Variants in SLC6A3 observed in about 807,000 individuals in gnomAD.
The protein encoded by SLC6A3 is sodium-dependent dopamine transporter.
In SLC6A3, 19 loss-of-function variants were observed where a neutral mutation model predicts 70.4. The observed-to-expected ratio is 0.27, with a 90% CI of 0.19 to 0.40. The LOEUF (loss-of-function observed/expected upper bound fraction) is 0.40. Among genes scored for constraint, SLC6A3 ranks in the 10% least tolerant of loss-of-function variants. The pLI is 1.00. For missense variants in SLC6A3, 613 were observed against 838.5 expected (o/e 0.73, Z 3.32); for synonymous variants, 368 against 356.6 (o/e 1.03, Z -0.36).
chr5:1,408,999 G>T lies in SLC6A3; in HGVS notation c.1498+27C>A. On this transcript the variant is annotated intron_variant, in intron 11 of 14. Coordinates refer to ENST00000270349, the MANE Select transcript of SLC6A3 (RefSeq NM_001044.5). This position sits in a 1 kb window ranked among gnomAD's most constrained non-coding sequence, Gnocchi z 6.4. ...CACAGCCACCAAACAAGAGGGTGCC[G>T]GCTTGGCTGCCTTCCCCCGGACTCA... The T allele has an allele frequency of 6.5e-7, 1 of 1,527,684 alleles. No homozygotes were observed. Among genetic ancestry groups the T allele is most frequent in the Non-Finnish European group, 9.1e-7 (1 of 1,103,158 alleles). The allele number at this position is 1,527,684 out of a possible 1,614,324, so 94.6% of individuals were successfully genotyped here.
At position 1,438,493 on chromosome 5, in the gene SLC6A3, T is replaced by C. The variant is rs982298453; in HGVS notation, c.418+2866A>G. On this transcript the variant is annotated intron_variant, in intron 3 of 14. Transcript: ENST00000270349. The surrounding 1 kb of genome is among the most constrained non-coding windows in gnomAD (Gnocchi z 6.5). ...GCTCACGCTGATGGAAGTCAGAGGTTCTCTACTAGCCCAAGTTGAGTTGGT... is the reference window on the plus strand; with the variant it reads ...GCTCACGCTGATGGAAGTCAGAGGTCCTCTACTAGCCCAAGTTGAGTTGGT... Among the ~76,000 whole-genome samples the C allele has an allele frequency of 5.3e-5, 8 of 152,248 alleles. No homozygotes were observed. Among genetic ancestry groups the C allele is most frequent in the African/African-American group, 1.9e-4 (8 of 41,474 alleles).
chr5:1,421,915 G>C lies in SLC6A3; in HGVS notation c.753C>G (p.Leu251=), dbSNP rs546608337. The part of the protein sequence containing the change: ...TACLVLVIVL[L]YFSLWKGVKT... The stretch of plus-strand genomic sequence containing the variant: ...TCACGCCCTTCCAGAGGCTGAAGTA[G>C]AGCAGCACGATGACCAGCACCAGGC... The change falls in exon 5 of 15, where the codon CTC becomes CTG. Residue 251 remains leucine (L), a synonymous_variant. Coordinates refer to ENST00000270349, the MANE Select transcript of SLC6A3 (RefSeq NM_001044.5). This position sits in a 1 kb window ranked among gnomAD's most constrained non-coding sequence, Gnocchi z 7.2. 6.2e-7 allele frequency: 1 copy of C among 1,613,304 alleles called. No individual in the cohort carries two copies. The highest frequency in any genetic ancestry group is 2.2e-5 in the East Asian group (1 of 44,884).
chr5:1,419,123 AT>A (rs1756376602), intron 6 of SLC6A3, among the ~76,000 whole-genome samples: 1 of 150,810 alleles, frequency 6.6e-6, no homozygotes, highest in Non-Finnish European at 1.5e-5. Flanking sequence ...TCACCCATGC[AT>A]CATCCATTCA....
In SLC6A3 at chr5:1,411,288, G is replaced by A. The variant is rs981167521; in HGVS notation, c.1224C>T (p.Ala408=). 33 of 1,554,978 alleles carry A rather than the reference G, an allele frequency of 2.1e-5. No individual in the cohort carries two copies. Among genetic ancestry groups the A allele is most frequent in the Non-Finnish European group, 2.5e-5 (29 of 1,149,108 alleles). ...TGAGCAGCATGATGAAGAAGACCAC[G>A]GCCCAGGCTGAGGACAGAGGGAGCG... ...IATLPLSSAW[A]VVFFIMLLTL... Residue 408 remains alanine, a synonymous_variant, in exon 9 of 15, where the codon GCC becomes GCT. Transcript: ENST00000270349. This position sits in a 1 kb window ranked among gnomAD's most constrained non-coding sequence, Gnocchi z 6.5.
intron 4 of SLC6A3, among the ~76,000 whole-genome samples, chr5:1,426,701 T>G (rs1477981113): frequency 6.6e-6 from 1 of 152,108 alleles, no homozygotes; most frequent in Admixed American, 6.5e-5. Flanking sequence ...CACAAAAAAA[T>G]AAGTGATTCT....
At chr5:1,400,571 G>A (rs555055864) in intron 14 of SLC6A3, among the ~76,000 whole-genome samples, 5 of 150,294 alleles carry the variant, frequency 3.3e-5, no homozygotes, top group East Asian at 3.9e-4. Context: ...CCCGTGAGGC[G>A]GGGGGTGGTG....
In SLC6A3 at chr5:1,394,980, C is replaced by G. The variant is rs1270173027; in HGVS notation, c.1840-222G>C. 6.6e-6 allele frequency among the ~76,000 whole-genome samples: 1 copy of G among 152,220 alleles called. No individual in the cohort carries two copies. Among genetic ancestry groups the G allele is most frequent in the Non-Finnish European group, 1.5e-5 (1 of 68,044 alleles). On this transcript the variant is annotated intron_variant, in intron 14 of 14. Transcript: ENST00000270349. This position sits in a 1 kb window ranked among gnomAD's most constrained non-coding sequence, Gnocchi z 4.7. ...TCAAACTCCTACAAATCAATCATTA[C>G]TTGATTTTTTAAAAAGCCGCGAGAC...
Position 1,394,496 on chromosome 5 carries a change from A to C in SLC6A3, c.*239T>G. ...CCCTGCAGGGACAACAACGGGGTGG[A>C]CCTCGCTGCACAGATCTACGTCGTT... On this transcript the variant is annotated 3_prime_UTR_variant, in exon 15 of 15. Transcript: ENST00000270349. This position sits in a 1 kb window ranked among gnomAD's most constrained non-coding sequence, Gnocchi z 4.7. The C allele has an allele frequency of 1.6e-6, 1 of 620,560 alleles. No homozygotes were observed. The highest frequency in any genetic ancestry group is 2.9e-6 in the Non-Finnish European group (1 of 343,776). 38.4% of individuals were successfully genotyped at this position (620,560 alleles called of 1,614,324 possible). A position where few individuals can be genotyped will look rare whatever the true frequency, so the allele number is the denominator to read the frequency against.
At chr5:1,422,599 C>T (rs1756471462) in intron 4 of SLC6A3, among the ~76,000 whole-genome samples, 1 of 121,864 alleles carries the variant, frequency 8.2e-6, no homozygotes, top group Non-Finnish European at 1.7e-5. Flanking sequence ...CACCGCTGCC[C>T]AGTGCTGCCC....
At position 1,405,855 on chromosome 5, in the gene SLC6A3, T is replaced by C. The variant is rs1755965986; in HGVS notation, c.1599+333A>G. 6.6e-6 allele frequency among the ~76,000 whole-genome samples: 1 copy of C among 151,962 alleles called. No individual in the cohort carries two copies. Among genetic ancestry groups the C allele is most frequent in the South Asian group, 2.1e-4 (1 of 4,832 alleles). On this transcript the variant is annotated intron_variant, in intron 12 of 14. Coordinates refer to ENST00000270349, the MANE Select transcript of SLC6A3 (RefSeq NM_001044.5). This position sits in a 1 kb window ranked among gnomAD's most constrained non-coding sequence, Gnocchi z 5.3. ...CCGGAAGCTCTAACTTCGACCTTGA[T>C]CCTCACAGGCAGAGGTGAGTGGACA...
intron 6 of SLC6A3, among the ~76,000 whole-genome samples, chr5:1,417,029 C>G (rs1271708159): frequency 6.7e-6 from 1 of 148,226 alleles, no homozygotes; most frequent in Admixed American, 6.8e-5. Context: ...ACACTCACAC[C>G]AGCCCTAGCG....
intron 4 of SLC6A3, among the ~76,000 whole-genome samples, chr5:1,424,390 C>G (rs1756531481): frequency 6.6e-6 from 1 of 152,178 alleles, no homozygotes; most frequent in Admixed American, 6.5e-5. Flanking sequence ...CGTTCTGCTC[C>G]CCCAGCAAGG....
chr5:1,400,834 GC>G, intron 14 of SLC6A3, 80 bp downstream of exon 14: 1 of 994,826 alleles, frequency 1.0e-6, no homozygotes, highest in Non-Finnish European at 1.5e-6. Flanking sequence ...CAGCCTCGGA[GC>G]CCCCTGGGGG....
intron 6 of SLC6A3, 70 bp from the exon 7 acceptor site, chr5:1,416,271 C>G (rs1444611288): frequency 8.1e-6 from 9 of 1,108,704 alleles, no homozygotes; most frequent in South Asian, 7.5e-5. Context: ...ACCTGAGCAC[C>G]CTTCCTGTCC....
chr5:1,404,035 G>A lies in SLC6A3; in HGVS notation c.1600-946C>T, dbSNP rs1755913534. On this transcript the variant is annotated intron_variant, in intron 12 of 14. Coordinates refer to ENST00000270349, the MANE Select transcript of SLC6A3 (RefSeq NM_001044.5). The surrounding 1 kb of genome is among the most constrained non-coding windows in gnomAD (Gnocchi z 5.2). ...ACACAAGTGAAGCTCTGATAGATAT[G>A]GTTTATGATGTAGCTTAAAATGCAA... Among the ~76,000 whole-genome samples, 1 of 152,246 alleles carries A rather than the reference G, an allele frequency of 6.6e-6. No homozygotes were observed. The highest frequency in any genetic ancestry group is 1.5e-5 in the Non-Finnish European group (1 of 68,050).
At position 1,397,220 on chromosome 5, in the gene SLC6A3, A is replaced by G. The variant is rs1163484036; in HGVS notation, c.1840-2462T>C. Among the ~76,000 whole-genome samples, 3 of 152,364 alleles carry G rather than the reference A, an allele frequency of 2.0e-5. No individual in the cohort carries two copies. The East Asian group carries it at 5.8e-4, about 29-fold the overall frequency. The stretch of plus-strand genomic sequence containing the variant: ...GTGTGGCTGCAAAATTCACAGAATG[A>G]CAAGATTTGTGAATCCACAGATCTG... On this transcript the variant is annotated intron_variant, in intron 14 of 14. Coordinates refer to ENST00000270349, the MANE Select transcript of SLC6A3 (RefSeq NM_001044.5). This position sits in a 1 kb window ranked among gnomAD's most constrained non-coding sequence, Gnocchi z 4.7.
At chr5:1,398,380 ATAAAG>A (rs1466598569) in intron 14 of SLC6A3, among the ~76,000 whole-genome samples, 12 of 151,794 alleles carry the variant, frequency 7.9e-5, no homozygotes, top group African/African-American at 2.9e-4. Flanking sequence ...AAAAAAAAGA[ATAAAG>A]TATGTAAGTT....
At position 1,411,395 on chromosome 5, in the gene SLC6A3, T is replaced by A. The variant is rs943825117; in HGVS notation, c.1157-40A>T. ...GCCCTGCTTGCCACAGAGCCCACGC[T>A]GTGCTCTCCCGCCCATCCTGCCCCA... is the stretch of plus-strand genomic sequence containing the variant. On this transcript the variant is annotated intron_variant, in intron 8 of 14. Transcript: ENST00000270349. The surrounding 1 kb of genome is among the most constrained non-coding windows in gnomAD (Gnocchi z 6.5). The A allele has an allele frequency of 1.4e-6, 2 of 1,451,714 alleles. No individual in the cohort carries two copies. The highest frequency in any genetic ancestry group is 2.8e-5 in the African/African-American group (2 of 71,058). 89.9% of individuals were successfully genotyped at this position (1,451,714 alleles called of 1,614,324 possible). A position where few individuals can be genotyped will look rare whatever the true frequency, so the allele number is the denominator to read the frequency against.
At chr5:1,431,133 C>T (rs531389205) in intron 4 of SLC6A3, among the ~76,000 whole-genome samples, 9 of 152,342 alleles carry the variant, frequency 5.9e-5, no homozygotes, top group Admixed American at 2.6e-4. Flanking sequence ...CGACCCGGCA[C>T]GAGGCCCCAG....
Sources: gnomAD v4.1 joint callset for allele counts (sites outside exome capture counted in the v4.1 genomes callset) on GRCh38, gnomAD v4.1.1 for gene constraint, Gnocchi (gnomAD v3.1) non-coding constraint, MANE v1.5 for transcripts, NCBI Gene and HGNC (gene_info 2026-07-23, HGNC 2026-07-21) for gene names.